SCRIB: variants seen among roughly 807,000 people sequenced by gnomAD.
SCRIB encodes the protein scribble planar cell polarity protein.
SCRIB carries 72 observed loss-of-function variants against 170.0 expected under a neutral mutation model. The ratio of observed to expected loss-of-function variants is 0.42; its 90% confidence interval spans 0.35 to 0.52. The LOEUF (loss-of-function observed/expected upper bound fraction) is 0.52. Among genes scored for constraint, SCRIB ranks in the 20% least tolerant of loss-of-function variants. SCRIB has a pLI of 0.02. For missense variants in SCRIB, 2,475 were observed against 2,338.5 expected (o/e 1.06, Z -1.20); for synonymous variants, 1,298 against 1,044.3 (o/e 1.24, Z -4.68).
chr8:143,812,158 C>T lies in SCRIB; in HGVS notation c.906+108G>A, dbSNP rs1340217726. Reference sequence around the variant, plus strand: ...GAAGAGCCCTTCCTGAGTGGCTCCACGTCAGGCTGCCACCAGCACCCCCCA... The same window carrying T: ...GAAGAGCCCTTCCTGAGTGGCTCCATGTCAGGCTGCCACCAGCACCCCCCA... On this transcript the variant is annotated intron_variant, in intron 9 of 36. Transcript: ENST00000356994. The T allele has an allele frequency of 9.6e-5, 77 of 800,092 alleles. No homozygotes were observed. In the East Asian group the frequency reaches 1.7e-3, roughly 17 times the overall value. 49.6% of individuals were successfully genotyped at this position (800,092 alleles called of 1,614,324 possible). A position where few individuals can be genotyped will look rare whatever the true frequency, so the allele number is the denominator to read the frequency against.
chr8:143,809,821 C>T, intron 13 of SCRIB, 103 bp from the exon 14 acceptor site: 1 of 1,344,678 alleles, frequency 7.4e-7, no homozygotes, highest in Non-Finnish European at 1.0e-6. Flanking sequence ...CTTCCCGCTG[C>T]CCCGACCAGG....
Position 143,795,546 on chromosome 8 carries a change from T to G in SCRIB, c.3604-16A>C, listed in dbSNP as rs782313527. The G allele has an allele frequency of 1.5e-5, 24 of 1,600,644 alleles. No homozygotes were observed. The highest frequency in any genetic ancestry group is 2.0e-5 in the Non-Finnish European group (23 of 1,172,386). On this transcript the variant is annotated splice_polypyrimidine_tract_variant and intron_variant, in intron 24 of 36. Coordinates refer to ENST00000356994, the MANE Select transcript of SCRIB (RefSeq NM_182706.5). Reference sequence around the variant, plus strand: ...CTGGGGACACCTGAGAAGAGGGGTGTGGGCTAAGAAGGGGGGACTGCAACC... The same window carrying G: ...CTGGGGACACCTGAGAAGAGGGGTGGGGGCTAAGAAGGGGGGACTGCAACC...
In SCRIB at chr8:143,808,798, G is replaced by A. The variant is rs564282211; in HGVS notation, c.1926C>T (p.Pro642=). 6.2e-6 allele frequency: 10 copies of A among 1,611,538 alleles called. No individual in the cohort carries two copies. The highest frequency in any genetic ancestry group is 2.2e-5 in the South Asian group (2 of 90,948). ...MQPDGEGPVA[P]GGWHNGPHAP... Reference sequence around the variant, plus strand: ...CGTGGGGGCCATTGTGCCAGCCCCCGGGAGCCACAGGGCCCTCCCCATCAG... The same window carrying A: ...CGTGGGGGCCATTGTGCCAGCCCCCAGGAGCCACAGGGCCCTCCCCATCAG... Residue 642 remains proline (P), a synonymous_variant, in exon 15 of 37, where the codon CCC becomes CCT. Coordinates refer to ENST00000356994, the MANE Select transcript of SCRIB (RefSeq NM_182706.5).
chr8:143,803,036 C>T (rs1367493027), intron 24 of SCRIB, among the ~76,000 whole-genome samples: 2 of 152,210 alleles, frequency 1.3e-5, no homozygotes, highest in Admixed American at 1.3e-4. Flanking sequence ...TGGAGTCATC[C>T]CTTAGCAGCC....
In SCRIB at chr8:143,805,448, G is replaced by T. The variant is rs970456801; in HGVS notation, c.2347-13C>A. The T allele has an allele frequency of 2.7e-6, 4 of 1,471,380 alleles. No homozygotes were observed. Among genetic ancestry groups the T allele is most frequent in the South Asian group, 1.3e-5 (1 of 74,528 alleles). 91.1% of individuals were successfully genotyped at this position (1,471,380 alleles called of 1,614,324 possible). On this transcript the variant is annotated splice_polypyrimidine_tract_variant and intron_variant, in intron 18 of 36. Coordinates refer to ENST00000356994, the MANE Select transcript of SCRIB (RefSeq NM_182706.5). Reference sequence around the variant, plus strand: ...CCACACCATTCACCTGCGGGCCAGGGACCACGTGCGTATTCAGGACCCAGT... The same window carrying T: ...CCACACCATTCACCTGCGGGCCAGGTACCACGTGCGTATTCAGGACCCAGT...
chr8:143,813,922 G>A (rs375477047), intron 2 of SCRIB, 26 bp from the exon 3 acceptor site: 11 of 1,603,980 alleles, frequency 6.9e-6, no homozygotes, highest in Admixed American at 6.7e-5. Context: ...ACAGTGGACA[G>A]ATGCCATGGC....
At position 143,791,243 on chromosome 8, in the gene SCRIB, C is replaced by G. The variant is rs782051754; in HGVS notation, c.4888G>C (p.Gly1630Arg). ...LLGRPSPGAV[G>R]PEDVALCSSR... Reference sequence around the variant, plus strand: ...CTGCACAGTGCCACATCTTCAGGGCCCACAGCGCCGGGTGAGGGCCTGCCC... The same window carrying G: ...CTGCACAGTGCCACATCTTCAGGGCGCACAGCGCCGGGTGAGGGCCTGCCC... Residue 1630 changes from glycine (G) to arginine (R), a missense_variant, in exon 37 of 37, where the codon GGC (glycine) becomes CGC (arginine). By Grantham distance (125) the Gly-to-Arg change is moderately radical. This residue lies in a region of SCRIB where 1,966 missense variants were observed against 1,742.9 expected (regional missense o/e 1.13). Coordinates refer to ENST00000356994, the MANE Select transcript of SCRIB (RefSeq NM_182706.5). The G allele has an allele frequency of 6.7e-7, 1 of 1,495,170 alleles. No homozygotes were observed. Among genetic ancestry groups the G allele is most frequent in the Middle Eastern group, 1.8e-4 (1 of 5,692 alleles). 92.6% of individuals were successfully genotyped at this position (1,495,170 alleles called of 1,614,324 possible).
At chr8:143,809,046 G>A (rs779738477) in intron 14 of SCRIB, 21 bp from the exon 15 acceptor site, 15 of 1,595,868 alleles carry the variant, frequency 9.4e-6, no homozygotes, top group Non-Finnish European at 3.4e-6. Context: ...AAAAGGGTGA[G>A]GGTGGCCCCA....
Position 143,791,453 on chromosome 8 carries a change from G to C in SCRIB, c.4771-13C>G. On this transcript the variant is annotated splice_polypyrimidine_tract_variant and intron_variant, in intron 35 of 36. Coordinates refer to ENST00000356994, the MANE Select transcript of SCRIB (RefSeq NM_182706.5). ...CAAAGTCCGGTGACTGTGATGGGGAGAGTGTTGGTCAGGCCGGTGCCAGCC... is the reference window on the plus strand; with the variant it reads ...CAAAGTCCGGTGACTGTGATGGGGACAGTGTTGGTCAGGCCGGTGCCAGCC... 6.2e-7 allele frequency: 1 copy of C among 1,609,736 alleles called. No individual in the cohort carries two copies. Among genetic ancestry groups the C allele is most frequent in the Admixed American group, 1.7e-5 (1 of 59,722 alleles).
chr8:143,794,919 C>T, intron 27 of SCRIB, 119 bp downstream of exon 27: 2 of 968,708 alleles, frequency 2.1e-6, no homozygotes, highest in Non-Finnish European at 1.6e-6. Flanking sequence ...ACGTGGCCTC[C>T]TCCCACCCCA....
In SCRIB at chr8:143,792,999, G is replaced by C; in HGVS notation, c.3994C>G (p.Pro1332Ala). Residue 1332 changes from proline to alanine, a missense_variant, in exon 29 of 37, where the codon CCG (proline) becomes GCG (alanine). Transcript: ENST00000356994. The stretch of plus-strand genomic sequence containing the variant: ...ACCTGGGCAGGGGCATCCTCAGGCG[G>C]GTGAGAAGTGGGCACGGCCGCGAAG... The part of the protein sequence containing the change: ...RAFAAVPTSH[P>A]PEDAPAQPPT... 1 of 1,514,776 alleles carries C rather than the reference G, an allele frequency of 6.6e-7. No individual in the cohort carries two copies. Among genetic ancestry groups the C allele is most frequent in the Non-Finnish European group, 8.9e-7 (1 of 1,129,642 alleles). The allele number at this position is 1,514,776 out of a possible 1,614,324, so 93.8% of individuals were successfully genotyped here.
rs2130068364 is a variant in SCRIB, at chr8:143,803,679, CGCGGGGGTT to C, written c.3373_3381del (p.Asn1125_Arg1127del). ...ATGAAGATGCCCTCGTCTGTGGGGT[CGCGGGGGTT>C]GCCAGCGTGGCCCCTGGCACCCCCG... On this transcript the variant is annotated inframe_deletion, in exon 23 of 37. Coordinates refer to ENST00000356994, the MANE Select transcript of SCRIB (RefSeq NM_182706.5). 6.4e-7 allele frequency: 1 copy of C among 1,574,068 alleles called. No individual in the cohort carries two copies. Among genetic ancestry groups the C allele is most frequent in the Non-Finnish European group, 8.6e-7 (1 of 1,166,322 alleles).
intron 8 of SCRIB, 38 bp from the exon 9 acceptor site, chr8:143,812,422 G>A (rs1184304425): frequency 4.8e-6 from 7 of 1,467,136 alleles, no homozygotes; most frequent in South Asian, 1.1e-5. Flanking sequence ...GCTGAGCATG[G>A]TCCCCAGACG....
chr8:143,812,912 C>T lies in SCRIB; in HGVS notation c.692G>A (p.Arg231Gln), dbSNP rs773718652. ...RLVCLDVSENRLEELPAELGG... is the reference protein window; with the variant it reads ...RLVCLDVSENQLEELPAELGG... ...GAGCTCAGCAGGCAGCTCCTCCAGC[C>T]GGTTTTCCGACACGTCCAGGCACAC... is the stretch of plus-strand genomic sequence containing the variant. Residue 231 changes from arginine to glutamine, a missense_variant, in exon 8 of 37, where the codon CGG (arginine) becomes CAG (glutamine). By Grantham distance (43) the Arg-to-Gln change is conservative. Around this residue, in one of 3 missense-constraint regions of SCRIB, gnomAD observed 487 missense variants for 558.1 expected, o/e 0.87. Coordinates refer to ENST00000356994, the MANE Select transcript of SCRIB (RefSeq NM_182706.5). 1.2e-5 allele frequency: 20 copies of T among 1,612,180 alleles called. No homozygotes were observed. The highest frequency in any genetic ancestry group is 4.0e-5 in the African/African-American group (3 of 74,944).
chr8:143,804,988 C>T lies in SCRIB; in HGVS notation c.2697G>A (p.Glu899=), dbSNP rs782431978. 1.1e-5 allele frequency: 17 copies of T among 1,585,708 alleles called. No individual in the cohort carries two copies. Among genetic ancestry groups the T allele is most frequent in the Non-Finnish European group, 1.4e-5 (16 of 1,170,288 alleles). The part of the protein sequence containing the change: ...DAGIFVSRIA[E]GGAAHRAGTL... ...TGCCCGCGCGGTGAGCAGCACCGCCCTCGGCAATGCGGGAGACGAAGATGC... is the reference window on the plus strand; with the variant it reads ...TGCCCGCGCGGTGAGCAGCACCGCCTTCGGCAATGCGGGAGACGAAGATGC... The change falls in exon 20 of 37, where the codon GAG becomes GAA. Residue 899 remains glutamate (E), a synonymous_variant. Coordinates refer to ENST00000356994, the MANE Select transcript of SCRIB (RefSeq NM_182706.5).
rs369248238 is a variant in SCRIB, at chr8:143,813,289, G to A, written c.567+22C>T. On this transcript the variant is annotated intron_variant, in intron 6 of 36. Transcript: ENST00000356994. ...TTCCGTGGCCCGCCCTCCGGTCTCT[G>A]CCCTGTCAGGCCTCCACGCACCAGC... 4.3e-6 allele frequency: 7 copies of A among 1,612,952 alleles called. No individual in the cohort carries two copies. In the African/African-American group the frequency reaches 5.3e-5, roughly 12 times the overall value.
rs547933858 is a variant in SCRIB, at chr8:143,808,876, G to T, written c.1848C>A (p.Ile616=). The change falls in exon 15 of 37, where the codon ATC becomes ATA. Residue 616 remains isoleucine (I), a synonymous_variant. Transcript: ENST00000356994. ...CGGCCTCGGGCTGGGGCAGCTTGGAGATCTTGAAGTGCTTTTTGTAGTGAG... is the reference window on the plus strand; with the variant it reads ...CGGCCTCGGGCTGGGGCAGCTTGGATATCTTGAAGTGCTTTTTGTAGTGAG... The part of the protein sequence containing the change: ...DTPHYKKHFK[I]SKLPQPEAVV... 25 of 1,609,902 alleles carry T rather than the reference G, an allele frequency of 1.6e-5. No individual in the cohort carries two copies. In the African/African-American group the frequency reaches 2.7e-4, roughly 17 times the overall value.
chr8:143,812,866 A>C lies in SCRIB; in HGVS notation c.738T>G (p.Thr246=). ...PAELGGLVLL[T]DLLLSQNLLR... ...GCAGGTTCTGGGACAGCAGCAGGTC[A>C]GTGAGCAGCACCAGCCCGCCGAGCT... The change falls in exon 8 of 37, where the codon ACT becomes ACG. Residue 246 remains threonine, a synonymous_variant. Transcript: ENST00000356994. 1 of 1,607,526 alleles carries C rather than the reference A, an allele frequency of 6.2e-7. No homozygotes were observed. Among genetic ancestry groups the C allele is most frequent in the Non-Finnish European group, 8.5e-7 (1 of 1,179,858 alleles).
chr8:143,799,217 A>C (rs191752948), intron 24 of SCRIB, among the ~76,000 whole-genome samples: 1 of 152,234 alleles, frequency 6.6e-6, no homozygotes, highest in Non-Finnish European at 1.5e-5. Context: ...CTTTACAGAC[A>C]TATCTACAGA....
Sources: gnomAD v4.1 joint callset for allele counts (sites outside exome capture counted in the v4.1 genomes callset) on GRCh38, gnomAD v4.1.1 for gene constraint, gnomAD v4.1.1 regional missense constraint, MANE v1.5 for transcripts, NCBI Gene and HGNC (gene_info 2026-07-23, HGNC 2026-07-21) for gene names.